The following UBE2K variants were observed in gnomAD, a reference collection of about 807,000 sequenced individuals.
The protein encoded by UBE2K is ubiquitin-conjugating enzyme E2 K.
Under a neutral mutation model 30.0 loss-of-function variants are expected in UBE2K, and 6 were observed. That is an observed-to-expected ratio of 0.20 (90% CI 0.11 to 0.39). The LOEUF (loss-of-function observed/expected upper bound fraction) is 0.39, where lower values mean the gene tolerates loss of function less well. UBE2K is among the 10% of genes least tolerant of loss of function. The probability of loss-of-function intolerance (pLI) is 1.00; values close to 1 mark genes in which losing one functional copy is unlikely to be tolerated. For missense variants in UBE2K, 61 were observed against 241.6 expected (o/e 0.25, Z 4.96); for synonymous variants, 86 against 83.7 (o/e 1.03, Z -0.15).
chr4:39,735,956 T>G (rs1720354173), intron 1 of UBE2K, among the ~76,000 whole-genome samples: 1 of 152,090 alleles, frequency 6.6e-6, no homozygotes, highest in Admixed American at 6.6e-5. Flanking sequence ...GTATTGTTTA[T>G]GAACTAAACG....
At chr4:39,726,308 T>C (rs914555564) in intron 1 of UBE2K, among the ~76,000 whole-genome samples, 2 of 152,110 alleles carry the variant, frequency 1.3e-5, no homozygotes, top group Admixed American at 6.5e-5. Context: ...TTTTTACTTT[T>C]TAACTTTCTG....
At chr4:39,771,056 C>T in intron 4 of UBE2K, 1 of 1,612,460 alleles carries the variant, frequency 6.2e-7, no homozygotes, top group African/African-American at 1.3e-5. Flanking sequence ...ATTTTGGGCT[C>T]AGTGAACTGG....
intron 1 of UBE2K, among the ~76,000 whole-genome samples, chr4:39,709,424 T>A (rs1273015443): frequency 1.3e-5 from 2 of 152,032 alleles, no homozygotes; most frequent in African/African-American, 2.4e-5. Context: ...TGCAGTTTGA[T>A]TTTCTGCAGT....
intron 3 of UBE2K, among the ~76,000 whole-genome samples, chr4:39,749,870 T>C (rs1224092383): frequency 1.3e-5 from 2 of 152,146 alleles, no homozygotes; most frequent in Non-Finnish European, 2.9e-5. Context: ...CTTAATAATA[T>C]AATATGCTTT....
intron 1 of UBE2K, among the ~76,000 whole-genome samples, chr4:39,729,789 G>A (rs12642132): frequency 0.1 from 15,879 of 152,234 alleles, 1,096 homozygotes; most frequent in East Asian, 0.22. Flanking sequence ...CACATTGGCG[G>A]CATTTCAATT....
chr4:39,718,330 G>A (rs563315210), intron 1 of UBE2K, among the ~76,000 whole-genome samples: 1 of 152,338 alleles, frequency 6.6e-6, no homozygotes, highest in Non-Finnish European at 1.5e-5. Context: ...ACAGAGTGCT[G>A]ATTGGTGCAT....
At chr4:39,731,257 T>G (rs1294104894) in intron 1 of UBE2K, among the ~76,000 whole-genome samples, 8 of 152,150 alleles carry the variant, frequency 5.3e-5, no homozygotes. Context: ...TTACATTATA[T>G]TGTATTGGAT....
At chr4:39,715,840 C>T (rs186108113) in intron 1 of UBE2K, among the ~76,000 whole-genome samples, 4 of 60,928 alleles carry the variant, frequency 6.6e-5, no homozygotes, top group East Asian at 6.7e-4. Flanking sequence ...CCGGAGGACC[C>T]GTTTTTTTTT....
chr4:39,711,163 CTTT>C (rs34401637), intron 1 of UBE2K, among the ~76,000 whole-genome samples: 5 of 122,116 alleles, frequency 4.1e-5, no homozygotes, highest in Non-Finnish European at 3.4e-5. Flanking sequence ...AACTTTTTCT[CTTT>C]TTTTTTTTTT....
chr4:39,770,224 G>T, intron 4 of UBE2K: 1 of 1,611,722 alleles, frequency 6.2e-7, no homozygotes, highest in East Asian at 2.2e-5. Flanking sequence ...CGGTAGGGCT[G>T]CGCTCCCGAG....
chr4:39,698,475 C>A, intron 1 of UBE2K, 85 bp downstream of exon 1: 1 of 1,315,350 alleles, frequency 7.6e-7, no homozygotes, highest in South Asian at 1.3e-5. Context: ...CCCCGGTAGT[C>A]CCTGGGTGGT....
chr4:39,702,231 C>CTTTTTTTTTTTTTTTTT (rs564712672), intron 1 of UBE2K, among the ~76,000 whole-genome samples: 4 of 67,384 alleles, frequency 5.9e-5, no homozygotes, highest in East Asian at 3.9e-4. Flanking sequence ...CTTTTCTTTT[C>CTTTTTTTTTTTTTTTTT]TTTTTTTTTT....
chr4:39,714,274 CA>C, intron 1 of UBE2K: 1 of 200,712 alleles, frequency 5.0e-6, no homozygotes, highest in Non-Finnish European at 1.1e-5. Flanking sequence ...GTGCTTTGTC[CA>C]AATGAACCTT....
At chr4:39,704,774 T>C (rs1179124698) in intron 1 of UBE2K, among the ~76,000 whole-genome samples, 1 of 151,844 alleles carries the variant, frequency 6.6e-6, no homozygotes. Flanking sequence ...ACTCCTGGAC[T>C]GAAGTGATCC....
At chr4:39,751,650 A>T (rs923055202) in intron 3 of UBE2K, among the ~76,000 whole-genome samples, 1 of 152,142 alleles carries the variant, frequency 6.6e-6, no homozygotes, top group Non-Finnish European at 1.5e-5. Flanking sequence ...ACTTCAGCCA[A>T]GGTGACAGAG....
intron 1 of UBE2K, among the ~76,000 whole-genome samples, chr4:39,724,447 T>C (rs1258304101): frequency 2.6e-5 from 4 of 151,738 alleles, no homozygotes; most frequent in Admixed American, 2.6e-4. Context: ...TGTAATTTTT[T>C]ATTGAAAGCT....
intron 1 of UBE2K, among the ~76,000 whole-genome samples, chr4:39,705,049 G>GT (rs577446193): frequency 6.9e-4 from 102 of 146,926 alleles, no homozygotes; most frequent in Admixed American, 9.5e-4. Flanking sequence ...GTTTTTTTTT[G>GT]TTTTTTTTTG....
At chr4:39,703,269 A>C (rs1389259215) in intron 1 of UBE2K, among the ~76,000 whole-genome samples, 1 of 151,992 alleles carries the variant, frequency 6.6e-6, no homozygotes, top group Non-Finnish European at 1.5e-5. Flanking sequence ...CCTGTAATCT[A>C]GCATTTTAGG....
At chr4:39,757,722 T>C (rs1711587671) in intron 4 of UBE2K, among the ~76,000 whole-genome samples, 1 of 152,228 alleles carries the variant, frequency 6.6e-6, no homozygotes, top group Admixed American at 6.5e-5. Flanking sequence ...CGCCAAGGCC[T>C]CTAAAAGCTC....
Sources: gnomAD v4.1 joint callset for allele counts (sites outside exome capture counted in the v4.1 genomes callset) on GRCh38, gnomAD v4.1.1 for gene constraint, MANE v1.5 for transcripts, NCBI Gene and HGNC (gene_info 2026-07-23, HGNC 2026-07-21) for gene names.